The following PTPRT variants were observed in gnomAD, a reference collection of about 807,000 sequenced individuals.
The protein encoded by PTPRT is receptor-type tyrosine-protein phosphatase T.
In PTPRT, 56 loss-of-function variants were observed where a neutral mutation model predicts 176.8. That is an observed-to-expected ratio of 0.32 (90% CI 0.26 to 0.40). PTPRT has a LOEUF of 0.40. Ranked by LOEUF, PTPRT falls within the 10% of genes least tolerant of loss-of-function variation. PTPRT has a pLI of 1.00. For missense variants in PTPRT, 1,540 were observed against 1,908.2 expected (o/e 0.81, Z 3.60); for synonymous variants, 783 against 739.0 (o/e 1.06, Z -0.96).
chr20:42,588,482 T>C (rs1039061640), intron 7 of PTPRT, among the ~76,000 whole-genome samples: 12 of 151,470 alleles, frequency 7.9e-5, no homozygotes, highest in African/African-American at 2.9e-4. Flanking sequence ...ACCAGAAAAA[T>C]GAAATGTGGC....
chr20:42,161,480 T>G lies in PTPRT; in HGVS notation c.2554A>C (p.Thr852Pro). Residue 852 changes from threonine (T) to proline (P), a missense_variant, in exon 17 of 31, where the codon ACC becomes CCC. Thr to Pro is a conservative substitution (Grantham distance 38). Transcript: ENST00000373187. ...TAGCTCATCTCCACAGGGTCACAGGTGCGGTAGGGATGAGTCTGGATCGTG... is the reference window on the plus strand; with the variant it reads ...TAGCTCATCTCCACAGGGTCACAGGGGCGGTAGGGATGAGTCTGGATCGTG... ...TLTIQTHPYR[T>P]CDPVEMSYPR... is the part of the protein sequence containing the mutation. 6.2e-7 allele frequency: 1 copy of G among 1,613,872 alleles called. No individual in the cohort carries two copies. The highest frequency in any genetic ancestry group is 1.1e-5 in the South Asian group (1 of 91,048).
At chr20:42,931,187 G>T (rs1472808982) in intron 1 of PTPRT, among the ~76,000 whole-genome samples, 1 of 152,172 alleles carries the variant, frequency 6.6e-6, no homozygotes, top group Non-Finnish European at 1.5e-5. Flanking sequence ...AACCCCCAGT[G>T]TCACTATATT....
rs571736345 is a variant in PTPRT, at chr20:42,725,703, T to C, written c.859+30759A>G. On this transcript the variant is annotated intron_variant, in intron 6 of 30. Transcript: ENST00000373187. ...CGAGGTTGCGCAGAAATAGAAACAC[T>C]TTTACACTGTTGGTGGGAATGTAAA... Among the ~76,000 whole-genome samples the C allele has an allele frequency of 5.1e-4, 77 of 152,160 alleles. 1 individual carries two copies. The highest frequency in any genetic ancestry group is 1.8e-3 in the African/African-American group (74 of 41,542).
At chr20:42,547,018 A>C (rs2072688408) in intron 7 of PTPRT, among the ~76,000 whole-genome samples, 1 of 152,206 alleles carries the variant, frequency 6.6e-6, no homozygotes, top group African/African-American at 2.4e-5. Flanking sequence ...TGTTAAAAAA[A>C]ATAGTGCCTT....
the PTPRT span, among the ~76,000 whole-genome samples, chr20:42,044,211 T>C: frequency 2.6e-5 from 4 of 152,232 alleles, no homozygotes; most frequent in Non-Finnish European, 5.9e-5. Flanking sequence ...CCAGTTGGAC[T>C]CTGTGGGCAG....
intron 1 of PTPRT, among the ~76,000 whole-genome samples, chr20:43,140,443 AGTGTGTGTGTGTGT>A (rs6147356): frequency 0.16 from 22,790 of 146,714 alleles, 2,263 homozygotes; most frequent in East Asian, 0.47. Flanking sequence ...ACCTCTGGGT[AGTGTGTGTGTGTGT>A]GTGTGTGTGT....
At chr20:43,164,035 T>C (rs1373200322) in intron 1 of PTPRT, among the ~76,000 whole-genome samples, 2 of 152,228 alleles carry the variant, frequency 1.3e-5, no homozygotes. Context: ...TTCATTTTCT[T>C]ACCCCCTGAG....
At chr20:42,104,509 A>C (rs1986241995) in intron 25 of PTPRT, 60 bp downstream of exon 25, 1 of 1,498,674 alleles carries the variant, frequency 6.7e-7, no homozygotes, top group African/African-American at 1.4e-5. Flanking sequence ...AATCTATGGA[A>C]ATTTGTTATA....
At chr20:42,865,096 T>C (rs903095699) in intron 2 of PTPRT, among the ~76,000 whole-genome samples, 5 of 152,352 alleles carry the variant, frequency 3.3e-5, no homozygotes, top group East Asian at 3.9e-4. Context: ...TTCATTCCTG[T>C]ATTGTGAAGT....
chr20:42,066,997 CACATTCTCTCATTCCTCAAA>C, the PTPRT span, among the ~76,000 whole-genome samples: 1 of 152,106 alleles, frequency 6.6e-6, no homozygotes, highest in African/African-American at 2.4e-5. Flanking sequence ...CACAGGCAGG[CACATTCTCTCATTCCTCAAA>C]GTGAACCTCT....
intron 4 of PTPRT, among the ~76,000 whole-genome samples, chr20:42,778,074 C>G (rs1173155293): frequency 6.6e-6 from 1 of 152,134 alleles, no homozygotes; most frequent in Non-Finnish European, 1.5e-5. Flanking sequence ...CCACCCACAC[C>G]CCTCTGCAGG....
intron 13 of PTPRT, among the ~76,000 whole-genome samples, chr20:42,259,701 G>A (rs1568717112): frequency 6.6e-6 from 1 of 152,222 alleles, no homozygotes; most frequent in Non-Finnish European, 1.5e-5. Context: ...TGTGGCTGAG[G>A]TAGGGGTCAA....
intron 7 of PTPRT, among the ~76,000 whole-genome samples, chr20:42,495,626 C>T (rs536785732): frequency 2.0e-5 from 3 of 152,098 alleles, no homozygotes; most frequent in Non-Finnish European, 4.4e-5. Flanking sequence ...AGAGTCTCAG[C>T]GCTCCCTTGA....
intron 7 of PTPRT, among the ~76,000 whole-genome samples, chr20:42,672,156 AAAG>A (rs1382016357): frequency 1.3e-5 from 2 of 152,234 alleles, no homozygotes; most frequent in Non-Finnish European, 2.9e-5. Flanking sequence ...GGGTGTTGCC[AAAG>A]AAGATTAACA....
chr20:42,213,677 T>C (rs2055699773), intron 15 of PTPRT, among the ~76,000 whole-genome samples: 1 of 152,124 alleles, frequency 6.6e-6, no homozygotes, highest in Non-Finnish European at 1.5e-5. Flanking sequence ...ACTGGAAGAA[T>C]GCCACATGAC....
At chr20:42,634,012 A>ATATATATATAATATATATAT (rs2074510047) in intron 7 of PTPRT, among the ~76,000 whole-genome samples, 1 of 28,802 alleles carries the variant, frequency 3.5e-5, no homozygotes, top group Non-Finnish European at 5.6e-5. Context: ...TATATATATA[A>ATATATATATAATATATATAT]TATATATATA....
the PTPRT span, among the ~76,000 whole-genome samples, chr20:42,041,432 C>A: frequency 6.6e-6 from 1 of 152,174 alleles, no homozygotes; most frequent in African/African-American, 2.4e-5. Context: ...ATTTTCTCCA[C>A]CTCCTAGAAA....
intron 1 of PTPRT, among the ~76,000 whole-genome samples, chr20:43,020,550 C>T (rs937399936): frequency 2.0e-4 from 31 of 152,044 alleles, no homozygotes; most frequent in Admixed American, 1.3e-3. Context: ...AGTTGGCAGA[C>T]GTGATTTAAA....
At chr20:42,772,480 T>C (rs912707380) in intron 4 of PTPRT, among the ~76,000 whole-genome samples, 7 of 152,198 alleles carry the variant, frequency 4.6e-5, no homozygotes, top group African/African-American at 1.4e-4. Context: ...AATCTTCGGA[T>C]TAAGTCTATG....
Sources: allele counts gnomAD v4.1 joint callset (sites outside exome capture counted in the v4.1 genomes callset), GRCh38; gene constraint gnomAD v4.1.1; transcripts MANE v1.5; gene names NCBI Gene and HGNC (gene_info 2026-07-23, HGNC 2026-07-21).